The following SLC24A4 variants were observed in gnomAD, a reference collection of about 807,000 sequenced individuals.
The protein encoded by SLC24A4 is solute carrier family 24 member 4, also known as sodium/potassium/calcium exchanger 4.
A neutral mutation model predicts 79.0 loss-of-function variants in SLC24A4; 53 were observed. The observed-to-expected ratio is 0.67, with a 90% CI of 0.54 to 0.84. SLC24A4 has a LOEUF of 0.84. Among genes scored for constraint, SLC24A4 ranks in the 40% least tolerant of loss-of-function variants. The pLI is 0.00. For missense variants in SLC24A4, 731 were observed against 822.0 expected (o/e 0.89, Z 1.35); for synonymous variants, 323 against 323.8 (o/e 1.00, Z 0.03).
intron 13 of SLC24A4, chr14:92,484,001 C>T (rs1432678848): frequency 2.7e-5 from 27 of 985,372 alleles, no homozygotes; most frequent in East Asian, 1.1e-4. Flanking sequence ...ATGAGAACAG[C>T]GCTGAATCCT....
At chr14:92,396,738 C>G (rs570054029) in intron 2 of SLC24A4, among the ~76,000 whole-genome samples, 1 of 152,302 alleles carries the variant, frequency 6.6e-6, no homozygotes, top group South Asian at 2.1e-4. Context: ...TTCCATTTAT[C>G]TACTCTCTTC....
intron 4 of SLC24A4, among the ~76,000 whole-genome samples, chr14:92,440,165 T>C (rs927900632): frequency 3.3e-5 from 5 of 152,106 alleles, no homozygotes; most frequent in African/African-American, 1.2e-4. Context: ...CTTGGGGAGC[T>C]CAGTGTCCTT....
chr14:92,430,792 G>A (rs1891823365), intron 2 of SLC24A4, among the ~76,000 whole-genome samples: 1 of 152,214 alleles, frequency 6.6e-6, no homozygotes, highest in Non-Finnish European at 1.5e-5. Flanking sequence ...TCCACCTGCA[G>A]ATACATCTCT....
At chr14:92,446,095 G>A (rs1389744905) in intron 8 of SLC24A4, among the ~76,000 whole-genome samples, 12 of 152,142 alleles carry the variant, frequency 7.9e-5, no homozygotes, top group Admixed American at 2.6e-4. Flanking sequence ...CTATTTGATA[G>A]CATGGGAATG....
chr14:92,370,823 T>C (rs1595176238), intron 2 of SLC24A4, among the ~76,000 whole-genome samples: 1 of 152,148 alleles, frequency 6.6e-6, no homozygotes, highest in South Asian at 2.1e-4. Flanking sequence ...TTTAAAAAAG[T>C]GTCTAGAAGT....
At chr14:92,463,816 C>G (rs143096911) in intron 12 of SLC24A4, among the ~76,000 whole-genome samples, 1 of 152,302 alleles carries the variant, frequency 6.6e-6, no homozygotes, top group African/African-American at 2.4e-5. Flanking sequence ...CCCTCCTCCC[C>G]CGACCCCCTA....
At chr14:92,349,722 G>A (rs1030415071) in intron 2 of SLC24A4, among the ~76,000 whole-genome samples, 1 of 152,200 alleles carries the variant, frequency 6.6e-6, no homozygotes, top group African/African-American at 2.4e-5. Context: ...TAAAATATAA[G>A]CTCTTTATAA....
Position 92,443,344 on chromosome 14 carries a change from G to T in SLC24A4, c.583-56G>T, listed in dbSNP as rs1312082235. Reference sequence around the variant, plus strand: ...GCGGGGGGAGGAGGCCTGGGCAGCTGCACCCCCTCCCCGCTTCTGCGCTCA... The same window carrying T: ...GCGGGGGGAGGAGGCCTGGGCAGCTTCACCCCCTCCCCGCTTCTGCGCTCA... On this transcript the variant is annotated intron_variant, in intron 6 of 16. Transcript: ENST00000532405. 4 of 1,561,218 alleles carry T rather than the reference G, an allele frequency of 2.6e-6. No individual in the cohort carries two copies. In the South Asian group the frequency reaches 3.4e-5, roughly 13 times the overall value.
intron 12 of SLC24A4, among the ~76,000 whole-genome samples, chr14:92,461,962 C>T (rs925819701): frequency 6.6e-6 from 1 of 152,262 alleles, no homozygotes; most frequent in African/African-American, 2.4e-5. Context: ...AGACACTATC[C>T]TCTGAGTACT....
intron 2 of SLC24A4, among the ~76,000 whole-genome samples, chr14:92,357,810 C>T (rs1887266701): frequency 6.6e-6 from 1 of 152,186 alleles, no homozygotes; most frequent in African/African-American, 2.4e-5. Context: ...GGCCTCTGAA[C>T]TGTATACTTA....
chr14:92,365,874 C>G (rs376778597), intron 2 of SLC24A4, among the ~76,000 whole-genome samples: 1 of 152,122 alleles, frequency 6.6e-6, no homozygotes, highest in African/African-American at 2.4e-5. Context: ...AGGCAAGATT[C>G]GAACTAGGCT....
At chr14:92,483,687 T>C (rs1895197118) in intron 13 of SLC24A4, 1 of 1,262,798 alleles carries the variant, frequency 7.9e-7, no homozygotes, top group Non-Finnish European at 1.0e-6. Flanking sequence ...ACTCTCTGTA[T>C]ACCACCTAAT....
rs757151369 is a variant in SLC24A4, at chr14:92,324,012, G to C, written c.130+52G>C. 5.1e-6 allele frequency: 8 copies of C among 1,576,720 alleles called. No individual in the cohort carries two copies. In the South Asian group the frequency reaches 6.8e-5, roughly 13 times the overall value. On this transcript the variant is annotated intron_variant, in intron 1 of 16. Coordinates refer to ENST00000532405, the MANE Select transcript of SLC24A4 (RefSeq NM_153646.4). ...CCTGGGGAGTTGGGGGCTTTGGCTG[G>C]GGAGTCTCGGGGCGGCTGCGAGATG...
chr14:92,404,609 C>G (rs1890277400), intron 2 of SLC24A4, among the ~76,000 whole-genome samples: 1 of 152,218 alleles, frequency 6.6e-6, no homozygotes, highest in Admixed American at 6.5e-5. Flanking sequence ...ATTTCTTTTT[C>G]TGGTCATTCA....
chr14:92,350,205 T>G (rs2141641015), intron 2 of SLC24A4, among the ~76,000 whole-genome samples: 1 of 152,348 alleles, frequency 6.6e-6, no homozygotes, highest in Non-Finnish European at 1.5e-5. Context: ...GTTCTTTTTT[T>G]GGGAGCTGCT....
chr14:92,369,224 G>A lies in SLC24A4; in HGVS notation c.241+43246G>A, dbSNP rs531465685. ...GAAAGGTCTGACTTGGTGAGTACAA[G>A]ACAATCTGAAGGAAAGCAACTGGGA... On this transcript the variant is annotated intron_variant, in intron 2 of 16. Transcript: ENST00000532405. 2.0e-5 allele frequency among the ~76,000 whole-genome samples: 3 copies of A among 152,324 alleles called. No individual in the cohort carries two copies. In the South Asian group the frequency reaches 6.2e-4, roughly 32 times the overall value.
intron 2 of SLC24A4, among the ~76,000 whole-genome samples, chr14:92,423,920 C>T (rs1891428508): frequency 1.3e-5 from 2 of 152,228 alleles, no homozygotes; most frequent in Non-Finnish European, 1.5e-5. Context: ...TATTCTCCCA[C>T]AGTTCAGGAG....
At chr14:92,437,106 T>C (rs1566765219) in intron 3 of SLC24A4, among the ~76,000 whole-genome samples, 1 of 152,184 alleles carries the variant, frequency 6.6e-6, no homozygotes, top group Non-Finnish European at 1.5e-5. Context: ...TCCATAGCAC[T>C]TTTTCTTTGA....
intron 2 of SLC24A4, among the ~76,000 whole-genome samples, chr14:92,326,436 G>A (rs550484149): frequency 1.4e-4 from 21 of 152,198 alleles, no homozygotes; most frequent in Non-Finnish European, 2.4e-4. Context: ...ACACTCTGGG[G>A]TGCTGCGGCT....
Sources: allele counts gnomAD v4.1 joint callset (sites outside exome capture counted in the v4.1 genomes callset), GRCh38; gene constraint gnomAD v4.1.1; transcripts MANE v1.5; gene names NCBI Gene and HGNC (gene_info 2026-07-23, HGNC 2026-07-21).